The following KDM7A variants were observed in gnomAD, a reference collection of about 807,000 sequenced individuals.
KDM7A encodes the protein lysine-specific demethylase 7A.
In KDM7A, 28 loss-of-function variants were observed where a neutral mutation model predicts 114.8. That is an observed-to-expected ratio of 0.24 (90% confidence interval 0.18 to 0.33). The LOEUF is 0.33. Ranked by LOEUF, KDM7A falls within the 10% of genes least tolerant of loss-of-function variation. The pLI, the probability that KDM7A is intolerant of heterozygous loss-of-function variation, is 1.00. For missense variants in KDM7A, 942 were observed against 1,142.5 expected, an observed-to-expected ratio of 0.82 and a Z score of 2.53; for synonymous variants, 423 against 397.8, an observed-to-expected ratio of 1.06 and a Z score of -0.75.
intron 1 of KDM7A, among the ~76,000 whole-genome samples, chr7:140,155,773 G>A (rs1794451588): frequency 6.6e-6 from 1 of 152,160 alleles, no homozygotes; most frequent in Admixed American, 6.5e-5. Flanking sequence ...AGATAACTAA[G>A]GTCCGTGATA....
intron 1 of KDM7A, among the ~76,000 whole-genome samples, chr7:140,143,725 C>T (rs62491422): frequency 0.069 from 10,544 of 152,232 alleles, 413 homozygotes; most frequent in Non-Finnish European, 0.09. Context: ...TTGAGTAGAG[C>T]TTGCTGCAAT....
chr7:140,110,309 A>T (rs1437797024), intron 11 of KDM7A, among the ~76,000 whole-genome samples: 1 of 152,188 alleles, frequency 6.6e-6, no homozygotes, highest in Non-Finnish European at 1.5e-5. Flanking sequence ...TTTGATACTA[A>T]ATCAATTTAA....
At chr7:140,151,981 C>T (rs971988867) in intron 1 of KDM7A, among the ~76,000 whole-genome samples, 5 of 152,130 alleles carry the variant, frequency 3.3e-5, no homozygotes, top group African/African-American at 1.2e-4. Flanking sequence ...ATATCTAGGA[C>T]ACTTAGTGAT....
chr7:140,146,352 A>G (rs915256231), intron 1 of KDM7A, among the ~76,000 whole-genome samples: 2 of 152,234 alleles, frequency 1.3e-5, no homozygotes, highest in Non-Finnish European at 2.9e-5. Context: ...AGAGGGAGGC[A>G]TAACTTCTCC....
In KDM7A at chr7:140,120,459, G is replaced by C; in HGVS notation, c.1122C>G (p.Asn374Lys). 6.2e-7 allele frequency: 1 copy of C among 1,609,714 alleles called. No homozygotes were observed. ...ACACAAACCTGAGCTGCATGCCAATGTTAAGGTTGTGCAGGAAGTTCCCCC... is the reference window on the plus strand; with the variant it reads ...ACACAAACCTGAGCTGCATGCCAATCTTAAGGTTGTGCAGGAAGTTCCCCC... ...AFGGNFLHNL[N>K]IGMQLRCYEM... Residue 374 changes from asparagine (N) to lysine (K), a missense_variant, in exon 8 of 20, where the codon AAC becomes AAG. Asn to Lys is a moderately conservative substitution (Grantham distance 94, BLOSUM62 0). Around this residue, in one of 4 missense-constraint regions of KDM7A, gnomAD observed 318 missense variants for 453.1 expected, o/e 0.70. Transcript: ENST00000397560.
At chr7:140,164,237 C>T (rs1294385570) in intron 1 of KDM7A, among the ~76,000 whole-genome samples, 2 of 152,176 alleles carry the variant, frequency 1.3e-5, no homozygotes, top group Admixed American at 1.3e-4. Context: ...GGATAAACAA[C>T]CACTTTGTGC....
rs1265989135 is a variant in KDM7A, at chr7:140,129,917, C to A, written c.399-264G>T. ...CTGGTCTAAATGCAAAAAGAAAAAA[C>A]CAACCAGTTTATAGTAAAATATGTA... On this transcript the variant is annotated intron_variant, in intron 3 of 19. Coordinates refer to ENST00000397560, the MANE Select transcript of KDM7A (RefSeq NM_030647.2). Among the ~76,000 whole-genome samples, 5 of 151,920 alleles carry A rather than the reference C, an allele frequency of 3.3e-5. No individual in the cohort carries two copies. The East Asian group carries it at 7.7e-4, about 23-fold the overall frequency.
At chr7:140,161,057 G>A (rs1284603535) in intron 1 of KDM7A, among the ~76,000 whole-genome samples, 1 of 152,198 alleles carries the variant, frequency 6.6e-6, no homozygotes, top group African/African-American at 2.4e-5. Flanking sequence ...TAGGAAGAAT[G>A]TAAGAGAGGA....
intron 1 of KDM7A, among the ~76,000 whole-genome samples, chr7:140,144,976 T>C (rs1794324818): frequency 6.6e-6 from 1 of 152,132 alleles, no homozygotes; most frequent in Non-Finnish European, 1.5e-5. Context: ...TCCTGAGGCC[T>C]CACCAGGAGC....
At chr7:140,143,249 T>A (rs886721160) in intron 1 of KDM7A, among the ~76,000 whole-genome samples, 1 of 149,924 alleles carries the variant, frequency 6.7e-6, no homozygotes, top group South Asian at 2.1e-4. Flanking sequence ...AATTCAAAAC[T>A]AGGGAAAGCC....
In KDM7A at chr7:140,117,940, G is replaced by C. The variant is rs556832859; in HGVS notation, c.1246+1173C>G. On this transcript the variant is annotated intron_variant, in intron 9 of 19. Transcript: ENST00000397560. ...CCAGAAGCACTGCCAGGACATCTCT[G>C]CACTATGCTGTGAGGTGGGGGGTTT... Among the ~76,000 whole-genome samples, 18 of 152,342 alleles carry C rather than the reference G, an allele frequency of 1.2e-4. No homozygotes were observed. In the East Asian group the frequency reaches 2.5e-3, roughly 21 times the overall value.
intron 8 of KDM7A, 70 bp downstream of exon 8, chr7:140,120,372 T>G: frequency 1.1e-6 from 1 of 876,722 alleles, no homozygotes; most frequent in South Asian, 1.5e-5. Context: ...TTGATTTTTT[T>G]TAAGTTAAAA....
chr7:140,152,883 C>CG (rs1794416676), intron 1 of KDM7A, among the ~76,000 whole-genome samples: 1 of 151,562 alleles, frequency 6.6e-6, no homozygotes, highest in South Asian at 2.1e-4. Context: ...TTTTTTGAGA[C>CG]GGGGTCTCGC....
At chr7:140,162,810 G>C (rs1188148919) in intron 1 of KDM7A, among the ~76,000 whole-genome samples, 3 of 151,990 alleles carry the variant, frequency 2.0e-5, no homozygotes, top group Non-Finnish European at 2.9e-5. Context: ...TAAGTAGTAA[G>C]AACAAAAGAG....
At chr7:140,096,391 A>G (rs1818109325) in intron 17 of KDM7A, among the ~76,000 whole-genome samples, 164 bp downstream of exon 17, 1 of 152,226 alleles carries the variant, frequency 6.6e-6, no homozygotes, top group Admixed American at 6.5e-5. Flanking sequence ...TTCTGCTTCC[A>G]TCTTACGTGA....
chr7:140,124,069 CAA>C (rs71170945), intron 7 of KDM7A, among the ~76,000 whole-genome samples: 54,860 of 112,150 alleles, frequency 0.49, 10,258 homozygotes, highest in Middle Eastern at 0.58. Flanking sequence ...GACTCTGTCT[CAA>C]AAAAAAAAAA....
intron 1 of KDM7A, among the ~76,000 whole-genome samples, chr7:140,173,601 T>C (rs898823255): frequency 2.0e-5 from 3 of 152,186 alleles, no homozygotes; most frequent in African/African-American, 7.2e-5. Context: ...ACCCAGGCAA[T>C]GGCAATTCTC....
At position 140,111,204 on chromosome 7, in the gene KDM7A, A is replaced by T. The variant is rs1818425483; in HGVS notation, c.1339-20T>A. ...TACAAGCTGTATTTGGATTAACAAA[A>T]ATAAGAAAACCAAAGTTATTTACAC... On this transcript the variant is annotated intron_variant, in intron 10 of 19. Coordinates refer to ENST00000397560, the MANE Select transcript of KDM7A (RefSeq NM_030647.2). 6.6e-7 allele frequency: 1 copy of T among 1,520,684 alleles called. No individual in the cohort carries two copies. The highest frequency in any genetic ancestry group is 9.0e-7 in the Non-Finnish European group (1 of 1,110,492). 94.2% of individuals were successfully genotyped at this position (1,520,684 alleles called of 1,614,324 possible).
chr7:140,096,516 T>C (rs376733137), intron 17 of KDM7A, 39 bp downstream of exon 17: 12 of 1,479,284 alleles, frequency 8.1e-6, no homozygotes, highest in Non-Finnish European at 1.0e-5. Context: ...TTGGGCAACA[T>C]ATGTTACTTT....
Sources: gnomAD v4.1 joint callset for allele counts (sites outside exome capture counted in the v4.1 genomes callset) on GRCh38, gnomAD v4.1.1 for gene constraint, gnomAD v4.1.1 regional missense constraint, MANE v1.5 for transcripts, NCBI Gene and HGNC (gene_info 2026-07-23, HGNC 2026-07-21) for gene names.